PCLO: variants seen among roughly 807,000 people sequenced by gnomAD.
PCLO encodes piccolo presynaptic cytomatrix protein.
In PCLO, 82 loss-of-function variants were observed where a neutral mutation model predicts 427.5. That is an observed-to-expected ratio of 0.19 (90% CI 0.16 to 0.23). The LOEUF (loss-of-function observed/expected upper bound fraction) is 0.23. PCLO is among the 10% of genes least tolerant of loss of function. PCLO has a pLI of 1.00. For missense variants in PCLO, 6,239 were observed against 6,115.9 expected, an observed-to-expected ratio of 1.02 and a Z score of -0.67; for synonymous variants, 2,357 against 2,155.4, an observed-to-expected ratio of 1.09 and a Z score of -2.59.
At chr7:82,895,133 G>A (rs1032771922) in intron 9 of PCLO, among the ~76,000 whole-genome samples, 2 of 151,858 alleles carry the variant, frequency 1.3e-5, no homozygotes, top group African/African-American at 4.8e-5. Context: ...ATACCAAATA[G>A]GTTTTCCAAC....
At chr7:82,857,652 T>C (rs1350934756) in intron 10 of PCLO, among the ~76,000 whole-genome samples, 1 of 152,130 alleles carries the variant, frequency 6.6e-6, no homozygotes, top group East Asian at 1.9e-4. Context: ...GAAGTTTGCA[T>C]AGATTACTGA....
intron 16 of PCLO, among the ~76,000 whole-genome samples, chr7:82,834,342 C>T (rs536897475): frequency 1.3e-5 from 2 of 152,096 alleles, no homozygotes; most frequent in Non-Finnish European, 2.9e-5. Flanking sequence ...GATGAGAGAA[C>T]CAGCCATAAC....
intron 3 of PCLO, among the ~76,000 whole-genome samples, chr7:83,068,313 T>C (rs1442049931): frequency 6.6e-6 from 1 of 152,136 alleles, no homozygotes; most frequent in Non-Finnish European, 1.5e-5. Flanking sequence ...TTTAATAAAA[T>C]GTTTATTCTT....
At chr7:82,992,067 A>C (rs41573) in intron 3 of PCLO, among the ~76,000 whole-genome samples, 112,756 of 151,962 alleles carry the variant, frequency 0.74, 42,229 homozygotes, top group East Asian at 0.92. Context: ...TCAATACAAT[A>C]ATTGCAATGA....
intron 4 of PCLO, among the ~76,000 whole-genome samples, chr7:82,962,682 A>AT (rs1019705980): frequency 3.7e-4 from 56 of 151,952 alleles, no homozygotes; most frequent in African/African-American, 1.3e-3. Flanking sequence ...AAAAATGTAT[A>AT]TTTTTTAAAT....
intron 16 of PCLO, among the ~76,000 whole-genome samples, chr7:82,834,427 C>T (rs977947739): frequency 6.6e-6 from 1 of 152,086 alleles, no homozygotes; most frequent in Non-Finnish European, 1.5e-5. Context: ...AGTTTCTGGG[C>T]AATAGCAAGG....
At chr7:82,937,271 G>A (rs898123088) in intron 6 of PCLO, among the ~76,000 whole-genome samples, 2 of 149,208 alleles carry the variant, frequency 1.3e-5, no homozygotes, top group Non-Finnish European at 3.0e-5. Flanking sequence ...AAACCTACAT[G>A]TTTTTGTGAA....
chr7:82,809,038 CA>C (rs1259237518), intron 20 of PCLO, among the ~76,000 whole-genome samples: 1 of 151,872 alleles, frequency 6.6e-6, no homozygotes, highest in Non-Finnish European at 1.5e-5. Flanking sequence ...TGTATTTACT[CA>C]TTTCTTTCTC....
chr7:82,853,579 C>T (rs542726489), intron 10 of PCLO, among the ~76,000 whole-genome samples: 15 of 152,230 alleles, frequency 9.9e-5, no homozygotes, highest in African/African-American at 3.6e-4. Context: ...AAATAGAGCT[C>T]TGTGTAATAT....
chr7:82,892,744 C>T (rs1454277568), intron 9 of PCLO, among the ~76,000 whole-genome samples: 1 of 151,706 alleles, frequency 6.6e-6, no homozygotes, highest in Non-Finnish European at 1.5e-5. Context: ...AAAAACAACC[C>T]CATCAACAAG....
intron 6 of PCLO, among the ~76,000 whole-genome samples, chr7:82,938,117 G>C (rs1562868759): frequency 6.6e-6 from 1 of 151,882 alleles, no homozygotes; most frequent in African/African-American, 2.4e-5. Flanking sequence ...ACATTTAAAT[G>C]CAAGAGCCAT....
chr7:82,764,976 T>G (rs1007321799), intron 22 of PCLO, among the ~76,000 whole-genome samples: 2 of 151,922 alleles, frequency 1.3e-5, no homozygotes, highest in Non-Finnish European at 2.9e-5. Flanking sequence ...AATATACCTT[T>G]TTCTTAATCA....
chr7:82,877,192 CAG>C (rs1287003405), intron 10 of PCLO, among the ~76,000 whole-genome samples: 1 of 151,948 alleles, frequency 6.6e-6, no homozygotes, highest in African/African-American at 2.4e-5. Context: ...CTACAAAGTG[CAG>C]AGAGCATCAC....
chr7:82,973,117 C>T (rs1346183131), intron 3 of PCLO, among the ~76,000 whole-genome samples: 2 of 151,856 alleles, frequency 1.3e-5, no homozygotes, highest in African/African-American at 4.8e-5. Flanking sequence ...ACTACACAAT[C>T]GATTGTTCAG....
rs937578785 is a variant in PCLO at position 82,956,054 on chromosome 7, G to A, written c.4899C>T (p.Asp1633=). 1.1e-5 allele frequency: 18 copies of A among 1,612,418 alleles called. No homozygotes were observed. Among genetic ancestry groups the A allele is most frequent in the African/African-American group, 2.7e-5 (2 of 74,854 alleles). The change falls in exon 5 of 25, where the codon GAC becomes GAT. Residue 1633 remains aspartate, a synonymous_variant. Transcript: ENST00000333891. ...CAGGACTTTCATCAAATGCTTCATC[G>A]TCTTCATCATGCCATGAGTGACGTC... is the stretch of plus-strand genomic sequence containing the variant. The part of the protein sequence containing the change: ...AGRRHSWHDE[D]DEAFDESPEL...
At chr7:83,144,700 C>G (rs1791950028) in intron 2 of PCLO, among the ~76,000 whole-genome samples, 8 of 151,808 alleles carry the variant, frequency 5.3e-5, no homozygotes, top group Admixed American at 5.2e-4. Flanking sequence ...CATTTATTTC[C>G]TTCTGACTAT....
intron 1 of PCLO, among the ~76,000 whole-genome samples, chr7:83,158,153 A>C (rs1422595190): frequency 1.3e-5 from 2 of 152,062 alleles, no homozygotes; most frequent in East Asian, 3.8e-4. Flanking sequence ...TGAATTTTTG[A>C]AATTTCCTCC....
At chr7:82,803,933 G>GTA (rs1372289000) in intron 21 of PCLO, among the ~76,000 whole-genome samples, 1 of 151,956 alleles carries the variant, frequency 6.6e-6, no homozygotes, top group Non-Finnish European at 1.5e-5. Context: ...TTAGAATGTG[G>GTA]TATATATATA....
intron 3 of PCLO, among the ~76,000 whole-genome samples, chr7:83,059,357 A>ATATATATAT (rs1789482773): frequency 8.9e-6 from 1 of 111,816 alleles, no homozygotes; most frequent in African/African-American, 3.7e-5. Context: ...ACACCTTTAA[A>ATATATATAT]ATATATATAT....
Sources: gnomAD v4.1 joint callset for allele counts (sites outside exome capture counted in the v4.1 genomes callset) on GRCh38, gnomAD v4.1.1 for gene constraint, MANE v1.5 for transcripts, NCBI Gene and HGNC (gene_info 2026-07-23, HGNC 2026-07-21) for gene names.